GLIS3: variants seen among roughly 807,000 people sequenced by gnomAD.
GLIS3 encodes the protein zinc finger protein GLIS3.
GLIS3 carries 53 observed loss-of-function variants against 78.6 expected under a neutral mutation model. The observed-to-expected ratio is 0.67, with a 90% CI of 0.54 to 0.85. The LOEUF (loss-of-function observed/expected upper bound fraction) is 0.85, where lower values mean the gene tolerates loss of function less well. GLIS3 is among the 40% of genes least tolerant of loss of function. The pLI, the probability that GLIS3 is intolerant of heterozygous loss-of-function variation, is 0.00. For missense variants in GLIS3, 1,703 were observed against 1,231.1 expected, an observed-to-expected ratio of 1.38 and a Z score of -5.74; for synonymous variants, 684 against 509.9, an observed-to-expected ratio of 1.34 and a Z score of -4.60.
At chr9:4,101,765 C>T (rs1446926174) in intron 4 of GLIS3, among the ~76,000 whole-genome samples, 1 of 150,994 alleles carries the variant, frequency 6.6e-6, no homozygotes, top group Non-Finnish European at 1.5e-5. Context: ...TTTGGCTTTT[C>T]TTATCAAAGT....
intron 2 of GLIS3, among the ~76,000 whole-genome samples, chr9:4,190,719 A>T (rs1323918498): frequency 6.6e-6 from 1 of 152,182 alleles, no homozygotes; most frequent in Non-Finnish European, 1.5e-5. Context: ...CAACTCCAAG[A>T]CACATAATTG....
chr9:4,022,578 T>C (rs898350361), intron 4 of GLIS3, among the ~76,000 whole-genome samples: 5 of 152,180 alleles, frequency 3.3e-5, no homozygotes, highest in Non-Finnish European at 5.9e-5. Context: ...TCCTAGTAAT[T>C]TGCCCCAGAG....
At chr9:3,832,803 ACTC>A (rs763336044) in intron 9 of GLIS3, among the ~76,000 whole-genome samples, 3 of 152,084 alleles carry the variant, frequency 2.0e-5, no homozygotes, top group Non-Finnish European at 4.4e-5. Flanking sequence ...TCCTGATAGC[ACTC>A]CTCAGCGTAA....
At chr9:4,073,523 G>T (rs932997656) in intron 4 of GLIS3, among the ~76,000 whole-genome samples, 1 of 152,180 alleles carries the variant, frequency 6.6e-6, no homozygotes, top group African/African-American at 2.4e-5. Flanking sequence ...GACACTCAGG[G>T]TGGGACAGGT....
intron 4 of GLIS3, among the ~76,000 whole-genome samples, chr9:3,983,358 T>C (rs1043960010): frequency 2.0e-5 from 3 of 152,206 alleles, no homozygotes; most frequent in Non-Finnish European, 4.4e-5. Context: ...GTCTCTGATA[T>C]GTCTTTATCA....
the GLIS3 span, among the ~76,000 whole-genome samples, chr9:4,451,515 G>A: frequency 9.1e-4 from 139 of 152,260 alleles, no homozygotes; most frequent in Non-Finnish European, 1.7e-3. Context: ...GACATCTACA[G>A]AACTCTCCAC....
chr9:4,486,108 T>C, the GLIS3 span, among the ~76,000 whole-genome samples: 2 of 152,222 alleles, frequency 1.3e-5, no homozygotes, highest in Admixed American at 6.5e-5. Flanking sequence ...TATTGTACTA[T>C]TTTCAATGCA....
intron 2 of GLIS3, among the ~76,000 whole-genome samples, chr9:4,177,862 A>G (rs1267794028): frequency 6.6e-6 from 1 of 152,216 alleles, no homozygotes; most frequent in Non-Finnish European, 1.5e-5. Context: ...ACAATGCTGA[A>G]TGTTTCCAGC....
intron 4 of GLIS3, among the ~76,000 whole-genome samples, chr9:4,116,378 T>C (rs1185748281): frequency 6.6e-6 from 1 of 152,240 alleles, no homozygotes; most frequent in African/African-American, 2.4e-5. Context: ...GGTTTTGCTG[T>C]CTGGAAAGTA....
At chr9:4,368,274 G>T in the GLIS3 span, among the ~76,000 whole-genome samples, 2 of 151,808 alleles carry the variant, frequency 1.3e-5, no homozygotes, top group Non-Finnish European at 2.9e-5. Context: ...TCAGCCAGAA[G>T]GCAATAGAGC....
upstream of GLIS3, among the ~76,000 whole-genome samples, chr9:4,352,803 C>T (rs1190554286): frequency 1.3e-5 from 2 of 152,214 alleles, no homozygotes; most frequent in Admixed American, 1.3e-4. Flanking sequence ...AATAAACTTT[C>T]TTGGATGTTG....
chr9:4,176,567 T>TA (rs60614696), intron 2 of GLIS3, among the ~76,000 whole-genome samples: 55 of 151,508 alleles, frequency 3.6e-4, no homozygotes, highest in Admixed American at 2.7e-3. Context: ...TTTTCACTAT[T>TA]AAAAAAAAAC....
chr9:4,077,973 T>C (rs1399016934), intron 4 of GLIS3, among the ~76,000 whole-genome samples: 1 of 152,210 alleles, frequency 6.6e-6, no homozygotes, highest in Non-Finnish European at 1.5e-5. Context: ...TTCTTCCCTT[T>C]TTTACTTTCC....
chr9:4,334,963 C>T (rs4741962), intron 2 of GLIS3, among the ~76,000 whole-genome samples: 138,437 of 145,006 alleles, frequency 0.95, 66,402 homozygotes, highest in Non-Finnish European at 1. Context: ...GGCTGGAGTG[C>T]AGTGGTGTGA....
At chr9:4,077,697 G>C (rs764569765) in intron 4 of GLIS3, among the ~76,000 whole-genome samples, 1 of 152,106 alleles carries the variant, frequency 6.6e-6, no homozygotes, top group Non-Finnish European at 1.5e-5. Flanking sequence ...GGGGGCGCGG[G>C]GGGGTAAGTG....
chr9:4,034,242 C>T (rs1319165276), intron 4 of GLIS3, among the ~76,000 whole-genome samples: 2 of 151,938 alleles, frequency 1.3e-5, no homozygotes, highest in Non-Finnish European at 2.9e-5. Context: ...CGTAACAGAT[C>T]CCCAGAAACT....
At chr9:3,968,934 G>C (rs1222666261) in intron 4 of GLIS3, among the ~76,000 whole-genome samples, 1 of 152,232 alleles carries the variant, frequency 6.6e-6, no homozygotes, top group Non-Finnish European at 1.5e-5. Flanking sequence ...ATTTAAATAT[G>C]ACTCCACAGA....
chr9:4,255,022 G>A (rs1328265922), intron 2 of GLIS3, among the ~76,000 whole-genome samples: 1 of 152,040 alleles, frequency 6.6e-6, no homozygotes, highest in Non-Finnish European at 1.5e-5. Flanking sequence ...TCAACAATGA[G>A]AAAACAACCA....
At chr9:4,209,425 G>T (rs1320792245) in intron 2 of GLIS3, among the ~76,000 whole-genome samples, 1 of 152,142 alleles carries the variant, frequency 6.6e-6, no homozygotes, top group Non-Finnish European at 1.5e-5. Context: ...CTGTACAACA[G>T]TCCCACACAC....
Sources: allele counts gnomAD v4.1 joint callset (sites outside exome capture counted in the v4.1 genomes callset), GRCh38; gene constraint gnomAD v4.1.1; transcripts MANE v1.5; gene names NCBI Gene and HGNC (gene_info 2026-07-23, HGNC 2026-07-21).